GGNBP2: variants seen among roughly 807,000 people sequenced by gnomAD.
GGNBP2 encodes gametogenetin-binding protein 2.
Under a neutral mutation model 85.9 loss-of-function variants are expected in GGNBP2, and 10 were observed. That is an observed-to-expected ratio of 0.12 (90% CI 0.07 to 0.20). The LOEUF (loss-of-function observed/expected upper bound fraction) is 0.20, where lower values mean the gene tolerates loss of function less well. Ranked by LOEUF, GGNBP2 falls within the 10% of genes least tolerant of loss-of-function variation. GGNBP2 has a pLI of 1.00. For synonymous variants in GGNBP2, 287 were observed against 285.7 expected, an observed-to-expected ratio of 1.00 and a Z score of -0.05; for missense variants, 595 against 857.8, an observed-to-expected ratio of 0.69 and a Z score of 3.83.
intron 4 of GGNBP2, 27 bp downstream of exon 4, chr17:36,557,363 G>T: frequency 1.3e-6 from 2 of 1,586,938 alleles, no homozygotes; most frequent in Non-Finnish European, 1.7e-6. Flanking sequence ...AGGAGAAAAT[G>T]GGTTTGTTAA....
intron 4 of GGNBP2, among the ~76,000 whole-genome samples, chr17:36,559,431 G>A (rs1358914823): frequency 6.6e-6 from 1 of 151,382 alleles, no homozygotes; most frequent in Non-Finnish European, 1.5e-5. Flanking sequence ...CATCCAAATA[G>A]AATTCAGAGA....
At chr17:36,554,930 T>C (rs1318485285) in intron 3 of GGNBP2, 30 bp downstream of exon 3, 1 of 1,259,070 alleles carries the variant, frequency 7.9e-7, no homozygotes, top group Non-Finnish European at 1.2e-6. Context: ...GTGTTTTTAA[T>C]GGTGTATGTG....
chr17:36,552,905 C>G (rs975845600), intron 2 of GGNBP2, among the ~76,000 whole-genome samples: 1 of 151,536 alleles, frequency 6.6e-6, no homozygotes, highest in East Asian at 1.9e-4. Flanking sequence ...GCCTGTAATC[C>G]CAGCTACTCA....
rs200029924 is a variant in GGNBP2, at chr17:36,557,172, A to G, written c.264A>G (p.Pro88=). 5.0e-6 allele frequency: 8 copies of G among 1,613,874 alleles called. No homozygotes were observed. The highest frequency in any genetic ancestry group is 5.9e-6 in the Non-Finnish European group (7 of 1,180,028). ...EVLSALSQLV[P]CVGCRRSVER... is the part of the protein sequence containing the mutation. ...TGAGTGCACTTTCTCAGCTTGTCCC[A>G]TGTGTTGGTTGTCGTCGCAGTGTGG... Residue 88 remains proline (P), a synonymous_variant, in exon 4 of 14, where the codon CCA becomes CCG. Coordinates refer to ENST00000613102, the MANE Select transcript of GGNBP2 (RefSeq NM_024835.5).
intron 8 of GGNBP2, among the ~76,000 whole-genome samples, chr17:36,580,501 G>A (rs777772627): frequency 2.0e-5 from 3 of 151,480 alleles, no homozygotes; most frequent in Non-Finnish European, 2.9e-5. Flanking sequence ...CATGAGCCAC[G>A]GCGCCCAGCC....
intron 6 of GGNBP2, among the ~76,000 whole-genome samples, chr17:36,568,303 T>C (rs985772797): frequency 2.0e-5 from 3 of 151,854 alleles, no homozygotes; most frequent in Admixed American, 6.6e-5. Flanking sequence ...TGATTTTTTT[T>C]TTTTTCTTTT....
Position 36,580,504 on chromosome 17 carries a change from G to A in GGNBP2, c.1021-840G>A, listed in dbSNP as rs149847046. Among the ~76,000 whole-genome samples, 14 of 151,940 alleles carry A rather than the reference G, an allele frequency of 9.2e-5. No homozygotes were observed. In the East Asian group the frequency reaches 2.1e-3, roughly 23 times the overall value. On this transcript the variant is annotated intron_variant, in intron 8 of 13. Coordinates refer to ENST00000613102, the MANE Select transcript of GGNBP2 (RefSeq NM_024835.5). Reference sequence around the variant, plus strand: ...TGGGATTACAGGCATGAGCCACGGCGCCCAGCCCTTACTCGTTTTCTCTTT... The same window carrying A: ...TGGGATTACAGGCATGAGCCACGGCACCCAGCCCTTACTCGTTTTCTCTTT...
Position 36,587,121 on chromosome 17 carries a change from A to G in GGNBP2, c.1766A>G (p.Glu589Gly). 2 of 1,614,058 alleles carry G rather than the reference A, an allele frequency of 1.2e-6. No individual in the cohort carries two copies. The highest frequency in any genetic ancestry group is 4.5e-5 in the East Asian group (2 of 44,874). The change falls in exon 13 of 14, where the codon GAA (glutamate) becomes GGA (glycine). Residue 589 changes from glutamate to glycine, a missense_variant. Glu to Gly is a moderately conservative substitution (Grantham distance 98). This residue lies in a region of GGNBP2 where 120 missense variants were observed against 126.3 expected (regional missense o/e 0.95). Coordinates refer to ENST00000613102, the MANE Select transcript of GGNBP2 (RefSeq NM_024835.5). ...DTHPESCCSSEKGGQPLPWFE... is the reference protein window; with the variant it reads ...DTHPESCCSSGKGGQPLPWFE... The stretch of plus-strand genomic sequence containing the variant: ...CATCCTGAAAGCTGTTGCAGCTCTG[A>G]AAAGGGTGGGCAGCCATTGCCTTGG...
intron 5 of GGNBP2, among the ~76,000 whole-genome samples, chr17:36,566,123 G>A (rs1467439887): frequency 6.6e-6 from 1 of 152,150 alleles, no homozygotes; most frequent in Non-Finnish European, 1.5e-5. Flanking sequence ...CGTCTCTGGC[G>A]TCCAAGGTGT....
At chr17:36,561,685 G>A (rs919519467) in intron 5 of GGNBP2, among the ~76,000 whole-genome samples, 18 of 151,052 alleles carry the variant, frequency 1.2e-4, no homozygotes, top group African/African-American at 3.4e-4. Context: ...GTGCAGTGGC[G>A]TCATCTCGGC....
At chr17:36,557,386 C>T (rs1599507143) in intron 4 of GGNBP2, 50 bp downstream of exon 4, 3 of 1,488,026 alleles carry the variant, frequency 2.0e-6, no homozygotes, top group Non-Finnish European at 1.9e-6. Context: ...TTTAAAACAG[C>T]TTGGTGACAG....
chr17:36,550,745 A>G (rs1019879387), intron 2 of GGNBP2, among the ~76,000 whole-genome samples: 1 of 152,230 alleles, frequency 6.6e-6, no homozygotes, highest in Admixed American at 6.5e-5. Context: ...AGCTATGGGT[A>G]GGGAACCTCT....
intron 4 of GGNBP2, among the ~76,000 whole-genome samples, chr17:36,559,734 C>G (rs1181436675): frequency 6.6e-6 from 1 of 152,202 alleles, no homozygotes; most frequent in East Asian, 1.9e-4. Flanking sequence ...TTGCAGTTGA[C>G]TAAGCTAGAG....
At chr17:36,552,837 A>G (rs1289010515) in intron 2 of GGNBP2, among the ~76,000 whole-genome samples, 2 of 152,178 alleles carry the variant, frequency 1.3e-5, no homozygotes, top group Non-Finnish European at 2.9e-5. Context: ...CCTGGGCAAC[A>G]TGGCAAAACC....
Position 36,579,266 on chromosome 17 carries a change from G to A in GGNBP2, c.867G>A (p.Lys289=), listed in dbSNP as rs754438624. 2 of 1,614,102 alleles carry A rather than the reference G, an allele frequency of 1.2e-6. No individual in the cohort carries two copies. Among genetic ancestry groups the A allele is most frequent in the Non-Finnish European group, 1.7e-6 (2 of 1,179,960 alleles). Residue 289 remains lysine, a synonymous_variant, in exon 8 of 14, where the codon AAG becomes AAA. Transcript: ENST00000613102. ...FAGGRRERHA[K]TIDIAQEEVL... The stretch of plus-strand genomic sequence containing the variant: ...ATAGGCGAAGAGAAAGGCATGCAAA[G>A]ACAATAGATATAGCTCAAGAAGAAG...
rs1260388717 is a variant in GGNBP2 at position 36,586,084 on chromosome 17, AGAG to A, written c.1530_1532del (p.Glu510del). On this transcript the variant is annotated inframe_deletion, in exon 12 of 14. Coordinates refer to ENST00000613102, the MANE Select transcript of GGNBP2 (RefSeq NM_024835.5). Reference sequence around the variant, plus strand: ...CTTGTGTTCATCACTGTGAAGACAAAGAGGATGATGGTGATAGTTGTGTTGAAT... The same window carrying A: ...CTTGTGTTCATCACTGTGAAGACAAAGATGATGGTGATAGTTGTGTTGAAT... The A allele has an allele frequency of 3.6e-5, 58 of 1,614,082 alleles. No homozygotes were observed. Among genetic ancestry groups the A allele is most frequent in the Non-Finnish European group, 4.9e-5 (58 of 1,180,022 alleles).
chr17:36,547,339 G>C (rs534227267), intron 2 of GGNBP2: 1 of 151,860 alleles, frequency 6.6e-6, no homozygotes, highest in East Asian at 1.9e-4. Context: ...AAGGTTTATT[G>C]TCCCACAATG....
chr17:36,548,647 A>AAAAAAAAAAAAG (rs2074278210), intron 2 of GGNBP2, among the ~76,000 whole-genome samples: 1 of 136,880 alleles, frequency 7.3e-6, no homozygotes, highest in Non-Finnish European at 1.5e-5. Flanking sequence ...AAAAAAAAAA[A>AAAAAAAAAAAAG]AAAAAGTAGC....
intron 4 of GGNBP2, among the ~76,000 whole-genome samples, chr17:36,558,435 AAAAG>A (rs1416408646): frequency 1.3e-4 from 20 of 149,544 alleles, no homozygotes; most frequent in African/African-American, 4.2e-4. Flanking sequence ...AAAAAAAAAA[AAAAG>A]GTAATAAAAG....
Sources: allele counts gnomAD v4.1 joint callset (sites outside exome capture counted in the v4.1 genomes callset), GRCh38; gene constraint gnomAD v4.1.1; regional missense constraint gnomAD v4.1.1; transcripts MANE v1.5; gene names NCBI Gene and HGNC (gene_info 2026-07-23, HGNC 2026-07-21).